The following SLC7A8 variants were observed in gnomAD, a reference collection of about 807,000 sequenced individuals.
SLC7A8 encodes the protein large neutral amino acids transporter small subunit 2.
A neutral mutation model predicts 51.2 loss-of-function variants in SLC7A8; 30 were observed. That is an observed-to-expected ratio of 0.59 (90% CI 0.44 to 0.80). SLC7A8 has a LOEUF of 0.80. Among genes scored for constraint, SLC7A8 ranks in the 30% least tolerant of loss-of-function variants. SLC7A8 has a pLI of 0.00. For synonymous variants in SLC7A8, 257 were observed against 275.8 expected, an observed-to-expected ratio of 0.93 and a Z score of 0.67; for missense variants, 612 against 674.4, an observed-to-expected ratio of 0.91 and a Z score of 1.03.
intron 1 of SLC7A8, among the ~76,000 whole-genome samples, chr14:23,182,248 T>C (rs1376686354): frequency 6.6e-6 from 1 of 152,222 alleles, no homozygotes; most frequent in Admixed American, 6.5e-5. Context: ...GTAAAAGTGC[T>C]GCATAAGGTG....
rs192251839 is a variant in SLC7A8, at chr14:23,160,334, G to T, written c.508+4951C>A. The stretch of plus-strand genomic sequence containing the variant: ...CAGCTGTAATCCCAGCACTTTGGGA[G>T]GCCAAGGCGGGTGGATCACGAGGTC... On this transcript the variant is annotated intron_variant, in intron 3 of 10. Transcript: ENST00000316902. Among the ~76,000 whole-genome samples, 358 of 152,282 alleles carry T rather than the reference G, an allele frequency of 2.4e-3. 2 individuals carry two copies. Among genetic ancestry groups the T allele is most frequent in the African/African-American group, 8.4e-3 (350 of 41,552 alleles).
At chr14:23,147,252 T>A (rs559975767) in intron 3 of SLC7A8, among the ~76,000 whole-genome samples, 47 of 152,266 alleles carry the variant, frequency 3.1e-4, no homozygotes, top group Admixed American at 1.4e-3. Context: ...CATCCACCCA[T>A]CTACTCATCC....
At chr14:23,132,694 A>G (rs1053976892) in intron 7 of SLC7A8, among the ~76,000 whole-genome samples, 3 of 148,064 alleles carry the variant, frequency 2.0e-5, no homozygotes, top group Non-Finnish European at 4.5e-5. Context: ...GGAGTGCAAT[A>G]GCACGATCTT....
chr14:23,165,825 G>C lies in SLC7A8; in HGVS notation c.357-389C>G, dbSNP rs1477560973. Among the ~76,000 whole-genome samples the C allele has an allele frequency of 6.6e-6, 1 of 152,140 alleles. No homozygotes were observed. Among genetic ancestry groups the C allele is most frequent in the Admixed American group, 6.5e-5 (1 of 15,268 alleles). The stretch of plus-strand genomic sequence containing the variant: ...GAGAGGTATCAAGTGGGGGTTTGCA[G>C]GGGAAGCGCCTTCCACACCTTTTGG... On this transcript the variant is annotated intron_variant, in intron 2 of 10. Coordinates refer to ENST00000316902, the MANE Select transcript of SLC7A8 (RefSeq NM_012244.4). The surrounding 1 kb of genome is among the most constrained non-coding windows in gnomAD (Gnocchi z 4.2).
intron 3 of SLC7A8, among the ~76,000 whole-genome samples, chr14:23,149,050 T>G (rs1335652943): frequency 1.3e-5 from 2 of 152,096 alleles, no homozygotes; most frequent in Non-Finnish European, 2.9e-5. Context: ...GGACACCAGA[T>G]GGAGGGAAGG....
chr14:23,132,376 C>G (rs982762145), intron 7 of SLC7A8, among the ~76,000 whole-genome samples: 2 of 152,000 alleles, frequency 1.3e-5, no homozygotes, highest in African/African-American at 4.8e-5. Context: ...TGGAAATGTT[C>G]TCTATCTTGT....
intron 4 of SLC7A8, among the ~76,000 whole-genome samples, chr14:23,142,612 C>T (rs2048755593): frequency 6.6e-6 from 1 of 152,006 alleles, no homozygotes; most frequent in South Asian, 2.1e-4. Context: ...GTGATCCTCC[C>T]ACCTTAGCCT....
At chr14:23,173,202 G>C (rs997519984) in intron 1 of SLC7A8, among the ~76,000 whole-genome samples, 4 of 152,186 alleles carry the variant, frequency 2.6e-5, no homozygotes, top group Non-Finnish European at 4.4e-5. Flanking sequence ...GGAAAGGGAA[G>C]ACACATGTGC....
chr14:23,146,048 C>T lies in SLC7A8; in HGVS notation c.509-2844G>A, dbSNP rs534964637. 1.0e-3 allele frequency among the ~76,000 whole-genome samples: 156 copies of T among 152,308 alleles called. 2 individuals carry two copies. The Middle Eastern group carries it at 0.024, about 23-fold the overall frequency. On this transcript the variant is annotated intron_variant, in intron 3 of 10. Coordinates refer to ENST00000316902, the MANE Select transcript of SLC7A8 (RefSeq NM_012244.4). ...GATCATGTGCCTGGTGACAAGCCAA[C>T]CTAAGTCACTCTAAACAACTGGGTC...
At chr14:23,134,961 C>A (rs1415050224) in intron 7 of SLC7A8, among the ~76,000 whole-genome samples, 1 of 152,212 alleles carries the variant, frequency 6.6e-6, no homozygotes, top group East Asian at 1.9e-4. Context: ...GTGACAAGGT[C>A]TTGCCTTGTT....
At chr14:23,141,733 C>T (rs149801305) in intron 4 of SLC7A8, among the ~76,000 whole-genome samples, 2,379 of 152,314 alleles carry the variant, frequency 0.016, 70 homozygotes, top group African/African-American at 0.054. Flanking sequence ...GGATTACAGG[C>T]GTAAGCCACC....
intron 3 of SLC7A8, chr14:23,155,521 G>A: frequency 1.5e-6 from 2 of 1,355,376 alleles, no homozygotes; most frequent in Non-Finnish European, 1.9e-6. Context: ...GAGCTGAGTA[G>A]TTCTCTCTTC....
intron 1 of SLC7A8, among the ~76,000 whole-genome samples, chr14:23,180,906 A>G (rs1018215926): frequency 1.3e-5 from 2 of 152,166 alleles, no homozygotes; most frequent in Non-Finnish European, 2.9e-5. Context: ...GGGCGCCTGT[A>G]GTCCCAGCTA....
At position 23,139,456 on chromosome 14, in the gene SLC7A8, G is replaced by T; in HGVS notation, c.880C>A (p.Gln294Lys). The change falls in exon 6 of 11, where the codon CAG becomes AAG. Residue 294 changes from glutamine to lysine, a missense_variant. Physicochemically the swap from Gln to Lys is moderately conservative, Grantham distance 53. Coordinates refer to ENST00000316902, the MANE Select transcript of SLC7A8 (RefSeq NM_012244.4). ...ACGGCGTTGGATGCCAGCAGCTCCTGGGGGGACATTGCAGTGACATAAGCG... is the reference window on the plus strand; with the variant it reads ...ACGGCGTTGGATGCCAGCAGCTCCTTGGGGGACATTGCAGTGACATAAGCG... ...NVAYVTAMSP[Q>K]ELLASNAVAV... 6.2e-7 allele frequency: 1 copy of T among 1,613,844 alleles called. No individual in the cohort carries two copies.
intron 1 of SLC7A8, among the ~76,000 whole-genome samples, chr14:23,172,607 C>T (rs903379078): frequency 6.6e-6 from 1 of 152,202 alleles, no homozygotes; most frequent in Non-Finnish European, 1.5e-5. Flanking sequence ...GGGAGCCAGG[C>T]ATCCACAGTG....
chr14:23,173,364 A>T (rs1225977201), intron 1 of SLC7A8, among the ~76,000 whole-genome samples: 1 of 152,238 alleles, frequency 6.6e-6, no homozygotes, highest in East Asian at 1.9e-4. Context: ...ACTGATGCTG[A>T]TGAGTGAGTA....
At position 23,129,798 on chromosome 14, in the gene SLC7A8, C is replaced by T; in HGVS notation, c.1115G>A (p.Cys372Tyr). 6.2e-7 allele frequency: 1 copy of T among 1,613,876 alleles called. No individual in the cohort carries two copies. The highest frequency in any genetic ancestry group is 8.5e-7 in the Non-Finnish European group (1 of 1,179,872). Residue 372 changes from cysteine to tyrosine, a missense_variant and splice_region_variant, in exon 9 of 11, where the codon TGC (cysteine) becomes TAC (tyrosine). Transcript: ENST00000316902. ...GACCAGCATCAGCAGGGTGGAGATG[C>T]ACTGGGAAAGTGGGAGGAGCTCATC... ...CTPIPALLFT[C>Y]ISTLLMLVTS...
At chr14:23,180,128 G>A (rs185998056) in intron 1 of SLC7A8, among the ~76,000 whole-genome samples, 7 of 152,058 alleles carry the variant, frequency 4.6e-5, no homozygotes, top group African/African-American at 7.2e-5. Flanking sequence ...GGATGGTCTT[G>A]ATCTCCTGAC....
chr14:23,155,155 G>A lies in SLC7A8; in HGVS notation c.508+10130C>T, dbSNP rs978905817. ...CCCCTTCTCCAGCCCTTTTCATCTC[G>A]AAGCACTTACAACGTTTTAGAAATC... On this transcript the variant is annotated intron_variant, in intron 3 of 10. Transcript: ENST00000316902. The A allele has an allele frequency of 3.3e-6, 5 of 1,535,376 alleles. No homozygotes were observed. The African/African-American group carries it at 6.9e-5, about 21-fold the overall frequency.
Sources: allele counts gnomAD v4.1 joint callset (sites outside exome capture counted in the v4.1 genomes callset), GRCh38; gene constraint gnomAD v4.1.1; non-coding constraint Gnocchi (gnomAD v3.1); transcripts MANE v1.5; gene names NCBI Gene and HGNC (gene_info 2026-07-23, HGNC 2026-07-21).